VAT1L: variants seen among roughly 807,000 people sequenced by gnomAD.
The protein encoded by VAT1L is putative NADPH-dependent quinone oxidoreductase VAT1L.
In VAT1L, 34 loss-of-function variants were observed where a neutral mutation model predicts 44.1. The observed-to-expected ratio is 0.77, with a 90% CI of 0.59 to 1.03. VAT1L has a LOEUF of 1.03. Ranked by LOEUF, VAT1L falls within the 50% of genes least tolerant of loss-of-function variation. The pLI, the probability that VAT1L is intolerant of heterozygous loss-of-function variation, is 0.00. For synonymous variants in VAT1L, 253 were observed against 202.2 expected (o/e 1.25, Z -2.13); for missense variants, 615 against 538.8 (o/e 1.14, Z -1.40).
chr16:77,866,642 A>T (rs2142445991), intron 4 of VAT1L, among the ~76,000 whole-genome samples: 1 of 152,154 alleles, frequency 6.6e-6, no homozygotes, highest in East Asian at 1.9e-4. Flanking sequence ...ATTTCTTGAG[A>T]TGAAAACTCT....
Position 77,946,345 on chromosome 16 carries a change from G to A in VAT1L, c.1078-25505G>A, listed in dbSNP as rs1171977679. 6.2e-5 allele frequency among the ~76,000 whole-genome samples: 8 copies of A among 128,790 alleles called. 1 individual carries two copies. Among genetic ancestry groups the A allele is most frequent in the Middle Eastern group, 9.3e-3 (2 of 214 alleles). The allele number at this position is 128,790 out of a possible 152,430, so 84.5% of individuals were successfully genotyped here. ...GATGCCCAGGCTGGAGTGCAGTGGT[G>A]AGATCTCAGCTCACTGCAAGTTCCG... On this transcript the variant is annotated intron_variant, in intron 7 of 8. Transcript: ENST00000302536.
chr16:77,901,153 CT>C (rs538577571), intron 7 of VAT1L, among the ~76,000 whole-genome samples: 4,780 of 89,578 alleles, frequency 0.053, 87 homozygotes, highest in Non-Finnish European at 0.068. Context: ...AGTAGTTTAC[CT>C]TTTTTTTTTT....
At chr16:77,872,357 C>G (rs1316267578) in intron 4 of VAT1L, among the ~76,000 whole-genome samples, 2 of 152,146 alleles carry the variant, frequency 1.3e-5, no homozygotes, top group African/African-American at 4.8e-5. Context: ...AGCCTTCTCA[C>G]TGTCCTAGGT....
intron 7 of VAT1L, among the ~76,000 whole-genome samples, chr16:77,897,399 A>G (rs1022112884): frequency 3.9e-5 from 6 of 152,174 alleles, no homozygotes; most frequent in African/African-American, 1.4e-4. Context: ...TGCTGACACG[A>G]GGCATATTAT....
intron 3 of VAT1L, among the ~76,000 whole-genome samples, chr16:77,837,374 T>C (rs913994399): frequency 2.0e-5 from 3 of 152,158 alleles, no homozygotes; most frequent in Non-Finnish European, 4.4e-5. Context: ...AACCTCAGGC[T>C]GCTGTGTCCA....
chr16:77,975,454 T>C (rs1383039381), intron 8 of VAT1L, among the ~76,000 whole-genome samples: 1 of 152,044 alleles, frequency 6.6e-6, no homozygotes, highest in Non-Finnish European at 1.5e-5. Context: ...TCAGGTGATC[T>C]GCCCGCCTTG....
intron 7 of VAT1L, among the ~76,000 whole-genome samples, chr16:77,935,971 T>C (rs2017790889): frequency 6.6e-6 from 1 of 152,184 alleles, no homozygotes; most frequent in Admixed American, 6.5e-5. Context: ...CTCCAGAGCA[T>C]CCTGCTTCTC....
chr16:77,943,081 G>T (rs551020090), intron 7 of VAT1L, among the ~76,000 whole-genome samples: 8 of 148,670 alleles, frequency 5.4e-5, no homozygotes, highest in African/African-American at 2.0e-4. Flanking sequence ...TTTTGAGATG[G>T]AGTCTGCCTC....
intron 7 of VAT1L, among the ~76,000 whole-genome samples, chr16:77,952,459 C>T (rs900016746): frequency 1.3e-5 from 2 of 152,204 alleles, no homozygotes; most frequent in Middle Eastern, 3.4e-3. Context: ...TGTGACCCCC[C>T]ACCACCACCC....
At position 77,825,282 on chromosome 16, in the gene VAT1L, G is replaced by A; in HGVS notation, c.400G>A (p.Ala134Thr). ...TGTCATGGCATTTGTCAATTACAAT[G>A]CCTGGGCAGAGGTGGTCTGCACACC... The part of the protein sequence containing the change: ...DRVMAFVNYN[A>T]WAEVVCTPVE... Residue 134 changes from alanine to threonine, a missense_variant, in exon 3 of 9, where the codon GCC becomes ACC. Ala to Thr is a moderately conservative substitution (Grantham distance 58). Transcript: ENST00000302536. 1 of 1,614,160 alleles carries A rather than the reference G, an allele frequency of 6.2e-7. No homozygotes were observed.
At chr16:77,867,914 G>A (rs888820532) in intron 4 of VAT1L, among the ~76,000 whole-genome samples, 2 of 151,528 alleles carry the variant, frequency 1.3e-5, no homozygotes, top group African/African-American at 2.4e-5. Context: ...CAAAACATTG[G>A]GTGGGAAATG....
chr16:77,843,737 T>C (rs930492742), intron 3 of VAT1L, among the ~76,000 whole-genome samples: 3 of 152,190 alleles, frequency 2.0e-5, no homozygotes, highest in African/African-American at 7.2e-5. Flanking sequence ...TCCCTGTCCC[T>C]GATACAAACT....
intron 7 of VAT1L, among the ~76,000 whole-genome samples, chr16:77,950,676 T>G (rs1422580157): frequency 3.3e-5 from 5 of 152,214 alleles, no homozygotes; most frequent in Admixed American, 3.3e-4. Flanking sequence ...CTAAGCCTGA[T>G]GGACATTTTG....
intron 7 of VAT1L, among the ~76,000 whole-genome samples, chr16:77,913,311 A>C (rs561885751): frequency 6.6e-6 from 1 of 152,118 alleles, no homozygotes; most frequent in South Asian, 2.1e-4. Flanking sequence ...TTGTCTTGCA[A>C]CTCTAAAACT....
Position 77,949,800 on chromosome 16 carries a change from T to C in VAT1L, c.1078-22050T>C, listed in dbSNP as rs575869052. Among the ~76,000 whole-genome samples, 8 of 152,290 alleles carry C rather than the reference T, an allele frequency of 5.3e-5. No individual in the cohort carries two copies. The South Asian group carries it at 1.7e-3, about 32-fold the overall frequency. ...TCTTTAAAAATTACCCAGCTTCAGGTATTCTTTTATAACAACACAAAGGGA... is the reference window on the plus strand; with the variant it reads ...TCTTTAAAAATTACCCAGCTTCAGGCATTCTTTTATAACAACACAAAGGGA... On this transcript the variant is annotated intron_variant, in intron 7 of 8. Transcript: ENST00000302536.
chr16:77,977,837 T>C lies in VAT1L; in HGVS notation c.*142T>C. On this transcript the variant is annotated 3_prime_UTR_variant, in exon 9 of 9. Transcript: ENST00000302536. ...TGCAGTCAGCTGAGCTAAAAAGCTGTTGATCACTGTTGTTTTTTGAAGTGC... is the reference window on the plus strand; with the variant it reads ...TGCAGTCAGCTGAGCTAAAAAGCTGCTGATCACTGTTGTTTTTTGAAGTGC... 1 of 775,062 alleles carries C rather than the reference T, an allele frequency of 1.3e-6. No homozygotes were observed. Among genetic ancestry groups the C allele is most frequent in the Non-Finnish European group, 2.1e-6 (1 of 473,056 alleles). 48.0% of individuals were successfully genotyped at this position (775,062 alleles called of 1,614,324 possible). A position where few individuals can be genotyped will look rare whatever the true frequency, so the allele number is the denominator to read the frequency against.
At chr16:77,859,197 G>A (rs550555427) in intron 3 of VAT1L, among the ~76,000 whole-genome samples, 1 of 151,776 alleles carries the variant, frequency 6.6e-6, no homozygotes, top group Non-Finnish European at 1.5e-5. Context: ...CTACTGGGGA[G>A]GCTGACGCAG....
At chr16:77,909,674 C>T (rs905393461) in intron 7 of VAT1L, among the ~76,000 whole-genome samples, 7 of 148,280 alleles carry the variant, frequency 4.7e-5, no homozygotes, top group African/African-American at 1.7e-4. Flanking sequence ...TCTTGAGCTA[C>T]TGAGTGCTGA....
chr16:77,841,349 CTAGGATTACAGGCATGAGCCGCCACA>C, intron 3 of VAT1L, among the ~76,000 whole-genome samples: 1 of 152,196 alleles, frequency 6.6e-6, no homozygotes, highest in African/African-American at 2.4e-5. Flanking sequence ...TCCCAAAGTG[CTAGGATTACAGGCATGAGCCGCCACA>C]CCTGGCCAAT....
Sources: gnomAD v4.1 joint callset for allele counts (sites outside exome capture counted in the v4.1 genomes callset) on GRCh38, gnomAD v4.1.1 for gene constraint, MANE v1.5 for transcripts, NCBI Gene and HGNC (gene_info 2026-07-23, HGNC 2026-07-21) for gene names.